Variants in CREB5 observed in about 807,000 individuals in gnomAD.
CREB5 encodes the protein cyclic AMP-responsive element-binding protein 5.
In CREB5, 19 loss-of-function variants were observed where a neutral mutation model predicts 57.1. The observed-to-expected ratio is 0.33, with a 90% confidence interval of 0.23 to 0.49. CREB5 has a LOEUF of 0.49. Ranked by LOEUF, CREB5 falls within the 20% of genes least tolerant of loss-of-function variation. The probability of loss-of-function intolerance (pLI) is 0.99; values close to 1 mark genes in which losing one functional copy is unlikely to be tolerated. For synonymous variants in CREB5, 238 were observed against 238.3 expected, an observed-to-expected ratio of 1.00 and a Z score of 0.01; for missense variants, 579 against 671.6, an observed-to-expected ratio of 0.86 and a Z score of 1.52.
chr7:28,606,054 G>T (rs978243513), intron 5 of CREB5, among the ~76,000 whole-genome samples: 49 of 152,184 alleles, frequency 3.2e-4, no homozygotes, highest in African/African-American at 7.9e-4. Flanking sequence ...TTTAAAAATT[G>T]CAATTAGAAT....
chr7:28,713,986 A>C (rs1213572837), intron 5 of CREB5, among the ~76,000 whole-genome samples: 1 of 151,982 alleles, frequency 6.6e-6, no homozygotes, highest in African/African-American at 2.4e-5. Flanking sequence ...TTTTGGAGAT[A>C]AGAGTCTCAC....
chr7:28,684,714 G>A (rs1800771695), intron 5 of CREB5, among the ~76,000 whole-genome samples: 1 of 150,886 alleles, frequency 6.6e-6, no homozygotes, highest in African/African-American at 2.4e-5. Flanking sequence ...ATAGACTGTA[G>A]CACAAGCCAT....
chr7:28,535,372 A>T (rs1793911649), intron 4 of CREB5, among the ~76,000 whole-genome samples: 1 of 136,888 alleles, frequency 7.3e-6, no homozygotes, highest in African/African-American at 2.7e-5. Flanking sequence ...GGAAAGGTGG[A>T]AGGGAGGAAG....
At chr7:28,725,448 T>C (rs1258288095) in intron 7 of CREB5, among the ~76,000 whole-genome samples, 1 of 151,728 alleles carries the variant, frequency 6.6e-6, no homozygotes, top group African/African-American at 2.4e-5. Flanking sequence ...GTTGAGAGAG[T>C]TCTCTTTGCT....
chr7:28,391,393 T>C (rs1313051860), intron 1 of CREB5, among the ~76,000 whole-genome samples: 3 of 152,254 alleles, frequency 2.0e-5, no homozygotes, highest in Non-Finnish European at 2.9e-5. Context: ...TGGATTTCAT[T>C]TGTAGCTACT....
intron 4 of CREB5, among the ~76,000 whole-genome samples, chr7:28,561,046 A>T (rs1191696110): frequency 7.7e-6 from 1 of 129,168 alleles, no homozygotes; most frequent in Admixed American, 8.1e-5. Context: ...GTGTGTGTGA[A>T]GGTATTTTTC....
At chr7:28,582,485 T>C (rs968039684) in intron 5 of CREB5, among the ~76,000 whole-genome samples, 2 of 152,228 alleles carry the variant, frequency 1.3e-5, no homozygotes, top group African/African-American at 2.4e-5. Context: ...TTTAGTCTTA[T>C]GATAGGAAGC....
intron 4 of CREB5, among the ~76,000 whole-genome samples, chr7:28,526,214 G>A (rs768302186): frequency 6.6e-6 from 1 of 152,178 alleles, no homozygotes; most frequent in African/African-American, 2.4e-5. Context: ...TAATCTTTCT[G>A]TTGTTACAGG....
intron 7 of CREB5, among the ~76,000 whole-genome samples, chr7:28,762,207 T>G (rs1192032242): frequency 1.3e-5 from 2 of 152,214 alleles, no homozygotes; most frequent in Non-Finnish European, 2.9e-5. Flanking sequence ...GTTGTCAATT[T>G]GGGTCGATGA....
chr7:28,775,733 A>G (rs192892578), intron 7 of CREB5, among the ~76,000 whole-genome samples: 8 of 151,848 alleles, frequency 5.3e-5, no homozygotes, highest in African/African-American at 1.9e-4. Context: ...AAATTTACTG[A>G]TCATTCTCTT....
intron 5 of CREB5, among the ~76,000 whole-genome samples, chr7:28,601,090 A>G (rs1387309174): frequency 1.3e-5 from 2 of 152,226 alleles, no homozygotes; most frequent in East Asian, 1.9e-4. Context: ...AGAATGGATT[A>G]TCTCTCTCCA....
intron 4 of CREB5, among the ~76,000 whole-genome samples, chr7:28,554,782 T>G (rs1794793617): frequency 6.6e-6 from 1 of 152,346 alleles, no homozygotes; most frequent in Non-Finnish European, 1.5e-5. Flanking sequence ...AGTGACCCTT[T>G]ATTTGGCTAA....
At chr7:28,533,336 GA>G (rs1562779756) in intron 4 of CREB5, among the ~76,000 whole-genome samples, 1 of 152,108 alleles carries the variant, frequency 6.6e-6, no homozygotes, top group African/African-American at 2.4e-5. Context: ...AAACTTTAGG[GA>G]AAAAAAGTAA....
intron 5 of CREB5, among the ~76,000 whole-genome samples, chr7:28,609,776 T>C (rs550028158): frequency 1.5e-4 from 23 of 152,320 alleles, no homozygotes; most frequent in African/African-American, 5.3e-4. Context: ...CCCACAGCTG[T>C]TGAGCACACT....
intron 1 of CREB5, among the ~76,000 whole-genome samples, chr7:28,323,729 G>A (rs114308111): frequency 0.012 from 1,864 of 152,120 alleles, 31 homozygotes; most frequent in African/African-American, 0.043. Context: ...GGATGGTTTC[G>A]GGATTATTCA....
intron 1 of CREB5, among the ~76,000 whole-genome samples, chr7:28,340,282 C>G (rs1785911267): frequency 6.6e-6 from 1 of 152,086 alleles, no homozygotes; most frequent in Non-Finnish European, 1.5e-5. Context: ...GAGTCTTACC[C>G]AAAGCTCACA....
At chr7:28,362,750 A>T (rs1380283077) in intron 1 of CREB5, among the ~76,000 whole-genome samples, 1 of 152,222 alleles carries the variant, frequency 6.6e-6, no homozygotes, top group African/African-American at 2.4e-5. Flanking sequence ...CCTTGGGTAG[A>T]GGTACACACA....
intron 4 of CREB5, among the ~76,000 whole-genome samples, chr7:28,560,969 T>TGTGTGTGCGCGTGTGCGTGCGTGCGC (rs1795220197): frequency 2.8e-4 from 7 of 24,956 alleles, no homozygotes; most frequent in Non-Finnish European, 3.8e-4. Context: ...TGCGTGTGTG[T>TGTGTGTGCGCGTGTGCGTGCGTGCGC]GTGCGTGTGT....
At chr7:28,441,443 C>T (rs1475893424) in intron 1 of CREB5, among the ~76,000 whole-genome samples, 1 of 152,176 alleles carries the variant, frequency 6.6e-6, no homozygotes, top group Non-Finnish European at 1.5e-5. Context: ...CTTAACCTCC[C>T]TTCACTTCAG....
Sources: allele counts gnomAD v4.1 joint callset (sites outside exome capture counted in the v4.1 genomes callset), GRCh38; gene constraint gnomAD v4.1.1; transcripts MANE v1.5; gene names NCBI Gene and HGNC (gene_info 2026-07-23, HGNC 2026-07-21).